Variants in CALN1 observed in about 807,000 individuals in gnomAD.
CALN1 encodes calneuron 1.
Under a neutral mutation model 30.6 loss-of-function variants are expected in CALN1, and 17 were observed. The ratio of observed to expected loss-of-function variants is 0.56; its 90% CI spans 0.38 to 0.83. CALN1 has a LOEUF of 0.83. Ranked by LOEUF, CALN1 falls within the 40% of genes least tolerant of loss-of-function variation. The pLI is 0.00. For missense variants in CALN1, 291 were observed against 354.9 expected, an observed-to-expected ratio of 0.82 and a Z score of 1.45; for synonymous variants, 156 against 131.4, an observed-to-expected ratio of 1.19 and a Z score of -1.28.
chr7:72,276,877 T>C (rs1260742986), intron 3 of CALN1, among the ~76,000 whole-genome samples: 1 of 152,168 alleles, frequency 6.6e-6, no homozygotes, highest in African/African-American at 2.4e-5. Context: ...ACTAAGACAG[T>C]GCCCTTACAT....
intron 3 of CALN1, among the ~76,000 whole-genome samples, chr7:72,112,400 G>A (rs1807644313): frequency 1.3e-5 from 2 of 152,194 alleles, no homozygotes; most frequent in African/African-American, 4.8e-5. Flanking sequence ...GGAAGAATGT[G>A]GGTCTTCATT....
At chr7:72,277,830 C>A (rs1470784245) in intron 3 of CALN1, among the ~76,000 whole-genome samples, 1 of 152,086 alleles carries the variant, frequency 6.6e-6, no homozygotes, top group Non-Finnish European at 1.5e-5. Context: ...TGTGGGCCAA[C>A]TGGGGTAATT....
At chr7:72,066,065 G>T (rs1321551249) in intron 4 of CALN1, among the ~76,000 whole-genome samples, 1 of 152,194 alleles carries the variant, frequency 6.6e-6, no homozygotes, top group Admixed American at 6.5e-5. Flanking sequence ...CTGCACCTGT[G>T]CTGGAAACTG....
chr7:72,329,783 G>A (rs1035361132), intron 2 of CALN1, among the ~76,000 whole-genome samples: 10 of 151,790 alleles, frequency 6.6e-5, no homozygotes, highest in Non-Finnish European at 8.8e-5. Flanking sequence ...GTGAGACCCC[G>A]TCACTACTAA....
chr7:72,103,677 C>T (rs1041322806), intron 4 of CALN1, among the ~76,000 whole-genome samples: 5 of 151,642 alleles, frequency 3.3e-5, no homozygotes, highest in African/African-American at 7.3e-5. Flanking sequence ...CTAAGAAGGG[C>T]GTGGACTAGA....
intron 1 of CALN1, among the ~76,000 whole-genome samples, chr7:72,411,457 G>A (rs1046019066): frequency 2.0e-5 from 3 of 152,120 alleles, no homozygotes; most frequent in African/African-American, 7.2e-5. Flanking sequence ...TAAAAACTCT[G>A]AAATCTAGTT....
the CALN1 span, among the ~76,000 whole-genome samples, chr7:72,458,205 T>C: frequency 8.6e-6 from 1 of 116,600 alleles, no homozygotes; most frequent in East Asian, 2.2e-4. Flanking sequence ...TAATATATAA[T>C]ATATTTTATA....
chr7:72,364,898 G>A (rs982407844), intron 2 of CALN1, among the ~76,000 whole-genome samples: 1 of 151,644 alleles, frequency 6.6e-6, no homozygotes, highest in Non-Finnish European at 1.5e-5. Context: ...AGCCGGACAT[G>A]GTGGCACACA....
Position 71,839,995 on chromosome 7 carries a change from A to T in CALN1, c.502-29503T>A, listed in dbSNP as rs145440019. On this transcript the variant is annotated intron_variant, in intron 5 of 6. Transcript: ENST00000395275. Reference sequence around the variant, plus strand: ...TGCAGTCTGAATGGAAGTCAGCACTAAGGCAGGGAGAGGGGGCTCAAAGAA... The same window carrying T: ...TGCAGTCTGAATGGAAGTCAGCACTTAGGCAGGGAGAGGGGGCTCAAAGAA... 9.5e-4 allele frequency among the ~76,000 whole-genome samples: 145 copies of T among 152,266 alleles called. 1 individual carries two copies. The highest frequency in any genetic ancestry group is 1.8e-3 in the Non-Finnish European group (120 of 68,012).
At chr7:71,811,409 A>G (rs1333439313) in intron 5 of CALN1, among the ~76,000 whole-genome samples, 2 of 150,646 alleles carry the variant, frequency 1.3e-5, no homozygotes, top group Admixed American at 1.3e-4. Flanking sequence ...AGGTCTTGCT[A>G]TGTTTCCCAG....
At chr7:72,331,826 G>A (rs1481087975) in intron 2 of CALN1, among the ~76,000 whole-genome samples, 1 of 152,046 alleles carries the variant, frequency 6.6e-6, no homozygotes, top group Non-Finnish European at 1.5e-5. Context: ...GAATCCATTA[G>A]GTATTCTTCC....
intron 5 of CALN1, among the ~76,000 whole-genome samples, chr7:71,834,275 A>C (rs189195459): frequency 6.7e-6 from 1 of 150,342 alleles, no homozygotes; most frequent in African/African-American, 2.4e-5. Context: ...AAATTACATA[A>C]ATGACACAGA....
chr7:71,986,776 A>G, intron 5 of CALN1, among the ~76,000 whole-genome samples: 1 of 152,210 alleles, frequency 6.6e-6, no homozygotes, highest in East Asian at 1.9e-4. Context: ...GTTATATAAC[A>G]TGGTGTTTCC....
At chr7:71,803,740 GCT>G in intron 6 of CALN1, among the ~76,000 whole-genome samples, 1 of 152,106 alleles carries the variant, frequency 6.6e-6, no homozygotes, top group Non-Finnish European at 1.5e-5. Context: ...CTCCCAAAGT[GCT>G]GGGTTCCTGC....
chr7:71,909,345 T>A (rs1281083755), intron 5 of CALN1, among the ~76,000 whole-genome samples: 1 of 152,198 alleles, frequency 6.6e-6, no homozygotes, highest in Non-Finnish European at 1.5e-5. Context: ...ATTTGTCGAA[T>A]GTATTTCCTT....
At chr7:72,298,017 A>AT (rs956689568) in intron 2 of CALN1, among the ~76,000 whole-genome samples, 1 of 151,912 alleles carries the variant, frequency 6.6e-6, no homozygotes, top group Non-Finnish European at 1.5e-5. Context: ...CCATCTTATT[A>AT]TTTTTTTTAG....
At chr7:71,789,932 C>T (rs1310929898) in intron 6 of CALN1, among the ~76,000 whole-genome samples, 1 of 148,412 alleles carries the variant, frequency 6.7e-6, no homozygotes, top group Non-Finnish European at 1.5e-5. Context: ...CCTGTCCCTA[C>T]AAAAAATAAT....
At chr7:72,131,711 C>A (rs1368307069) in intron 3 of CALN1, among the ~76,000 whole-genome samples, 1 of 152,154 alleles carries the variant, frequency 6.6e-6, no homozygotes, top group African/African-American at 2.4e-5. Context: ...GCCACTCCCA[C>A]CATCTGCTCA....
At chr7:72,185,711 G>A (rs368151692) in intron 3 of CALN1, among the ~76,000 whole-genome samples, 23 of 152,232 alleles carry the variant, frequency 1.5e-4, no homozygotes, top group African/African-American at 4.6e-4. Flanking sequence ...TCATGGGGGC[G>A]GTTTTCCCCA....
Sources: gnomAD v4.1 joint callset for allele counts (sites outside exome capture counted in the v4.1 genomes callset) on GRCh38, gnomAD v4.1.1 for gene constraint, MANE v1.5 for transcripts, NCBI Gene and HGNC (gene_info 2026-07-23, HGNC 2026-07-21) for gene names.